Variants in ADGRF5 observed in about 807,000 individuals in gnomAD.
ADGRF5 encodes G-protein coupled receptor 116.
In ADGRF5, 75 loss-of-function variants were observed where a neutral mutation model predicts 132.3. That is an observed-to-expected ratio of 0.57 (90% CI 0.47 to 0.69). The LOEUF (loss-of-function observed/expected upper bound fraction) is 0.69. Among genes scored for constraint, ADGRF5 ranks in the 30% least tolerant of loss-of-function variants. The pLI is 0.00. For synonymous variants in ADGRF5, 629 were observed against 597.6 expected (o/e 1.05, Z -0.77); for missense variants, 1,516 against 1,630.6 (o/e 0.93, Z 1.21).
At chr6:46,924,017 T>C (rs1005346848), upstream of ADGRF5, among the ~76,000 whole-genome samples, 14 of 152,332 alleles carry the variant, frequency 9.2e-5, no homozygotes, top group East Asian at 2.7e-3. Context: ...ATGTCTCTCA[T>C]GGCTGTAAGG....
At chr6:46,914,613 C>G (rs895763240) in intron 1 of ADGRF5, among the ~76,000 whole-genome samples, 6 of 151,974 alleles carry the variant, frequency 3.9e-5, no homozygotes, top group Non-Finnish European at 7.4e-5. Flanking sequence ...CGTTGATAAC[C>G]TTTTATCCCT....
chr6:46,909,835 G>GT (rs796090300), intron 1 of ADGRF5, among the ~76,000 whole-genome samples: 1,511 of 145,604 alleles, frequency 0.01, 18 homozygotes, highest in African/African-American at 0.03. Flanking sequence ...AAACAAAAAA[G>GT]TTTTTTTTTT....
chr6:46,937,613 C>T (rs545500970), intron 1 of ADGRF5, among the ~76,000 whole-genome samples: 3 of 152,136 alleles, frequency 2.0e-5, no homozygotes, highest in East Asian at 3.9e-4. Context: ...TGCATGCATA[C>T]CTATGATAAA....
At chr6:46,947,412 C>A (rs2113841868) in intron 1 of ADGRF5, among the ~76,000 whole-genome samples, 1 of 152,348 alleles carries the variant, frequency 6.6e-6, no homozygotes, top group South Asian at 2.1e-4. Flanking sequence ...CCTATTTCCT[C>A]TCCATTAACA....
intron 1 of ADGRF5, among the ~76,000 whole-genome samples, chr6:46,950,621 T>A (rs1778463009): frequency 6.6e-6 from 1 of 152,106 alleles, no homozygotes; most frequent in Admixed American, 6.6e-5. Flanking sequence ...TTCAAGCAAT[T>A]CTCCTGCCTC....
intron 1 of ADGRF5, among the ~76,000 whole-genome samples, chr6:46,939,539 A>G (rs1777975733): frequency 6.6e-6 from 1 of 152,254 alleles, no homozygotes; most frequent in Non-Finnish European, 1.5e-5. Flanking sequence ...CTTGGGCCCA[A>G]TAAAAGTAAT....
At chr6:46,868,377 G>A (rs1005175791) in intron 12 of ADGRF5, among the ~76,000 whole-genome samples, 25 of 152,176 alleles carry the variant, frequency 1.6e-4, no homozygotes, top group African/African-American at 5.6e-4. Flanking sequence ...ATAGTTAAGG[G>A]CTCAATAAAT....
upstream of ADGRF5, among the ~76,000 whole-genome samples, chr6:46,925,562 G>GC (rs11398767): frequency 0.75 from 114,718 of 152,044 alleles, 43,359 homozygotes; most frequent in African/African-American, 0.77. Context: ...TTCGAAACCA[G>GC]CTGGCCAACA....
At chr6:46,947,627 A>G (rs919123498) in intron 1 of ADGRF5, among the ~76,000 whole-genome samples, 9 of 152,222 alleles carry the variant, frequency 5.9e-5, no homozygotes, top group African/African-American at 2.2e-4. Flanking sequence ...TTTGAGGAGT[A>G]ACAAAGAGAG....
At position 46,899,746 on chromosome 6, in the gene ADGRF5, G is replaced by A. The variant is rs183127086; in HGVS notation, c.157+283C>T. On this transcript the variant is annotated intron_variant, in intron 3 of 20. Transcript: ENST00000283296. ...AGAGAAGTAGACCATTTGGTGGTGCGGGAGGGCAGCTGAGGAGGGAGCCAC... is the reference window on the plus strand; with the variant it reads ...AGAGAAGTAGACCATTTGGTGGTGCAGGAGGGCAGCTGAGGAGGGAGCCAC... Among the ~76,000 whole-genome samples, 577 of 151,898 alleles carry A rather than the reference G, an allele frequency of 3.8e-3. 7 individuals are homozygous for A. The highest frequency in any genetic ancestry group is 0.032 in the South Asian group (151 of 4,790).
chr6:46,860,395 G>A (rs941030069), intron 16 of ADGRF5, among the ~76,000 whole-genome samples: 1 of 152,162 alleles, frequency 6.6e-6, no homozygotes, highest in Non-Finnish European at 1.5e-5. Context: ...TTCACATTTA[G>A]TGCTAGACCT....
At chr6:46,913,562 A>G (rs1378730707) in intron 1 of ADGRF5, among the ~76,000 whole-genome samples, 5 of 152,066 alleles carry the variant, frequency 3.3e-5, no homozygotes, top group Non-Finnish European at 5.9e-5. Context: ...CAAGAAGTCC[A>G]TTAAGGAGGA....
At chr6:46,909,179 A>C (rs1775687659) in intron 1 of ADGRF5, 1 of 152,180 alleles carries the variant, frequency 6.6e-6, no homozygotes, top group Non-Finnish European at 1.5e-5. Flanking sequence ...TCCCATATTC[A>C]AGGCAGTTTG....
chr6:46,946,610 C>T (rs1778311217), intron 1 of ADGRF5, among the ~76,000 whole-genome samples: 1 of 152,016 alleles, frequency 6.6e-6, no homozygotes, highest in Non-Finnish European at 1.5e-5. Context: ...AGAGGTGAGC[C>T]TAGTGAGGCT....
chr6:46,854,105 C>A (rs565850477), intron 20 of ADGRF5, 34 bp from the exon 21 acceptor site: 15 of 1,500,002 alleles, frequency 1.0e-5, no homozygotes, highest in African/African-American at 1.4e-5. Context: ...GCCTTGAAGA[C>A]AAGCCATCAT....
Position 46,883,541 on chromosome 6 carries a change from C to A in ADGRF5, c.612+18G>T. ...CAAACAGTTTGTTAGTTAAGAGGTT[C>A]TTGGGGCCAAAACCTACCGCTGTTT... On this transcript the variant is annotated intron_variant, in intron 6 of 20. Transcript: ENST00000283296. 1 of 1,401,338 alleles carries A rather than the reference C, an allele frequency of 7.1e-7. No individual in the cohort carries two copies. Among genetic ancestry groups the A allele is most frequent in the South Asian group, 1.2e-5 (1 of 84,920 alleles). 86.8% of individuals were successfully genotyped at this position (1,401,338 alleles called of 1,614,324 possible).
intron 3 of ADGRF5, among the ~76,000 whole-genome samples, chr6:46,897,354 T>A (rs1221327493): frequency 6.6e-6 from 1 of 152,022 alleles, no homozygotes; most frequent in Non-Finnish European, 1.5e-5. Context: ...CTGACCTAAT[T>A]GTTTTTCTCC....
Position 46,863,039 on chromosome 6 carries a change from A to T in ADGRF5, c.2048T>A (p.Ile683Asn). ...VIGVGEPGKV[I>N]QKLCRFSNVP... ...GTTTGAGAACCGGCATAGCTTCTGG[A>T]TGACTTTCCCCGGCTCTCCGACACC... The change falls in exon 15 of 21, where the codon ATC becomes AAC. Residue 683 changes from isoleucine (I) to asparagine (N), a missense_variant. Ile to Asn is a moderately radical substitution (Grantham distance 149). Around this residue, in one of 2 missense-constraint regions of ADGRF5, gnomAD observed 945 missense variants for 929.4 expected, o/e 1.02. Coordinates refer to ENST00000283296, the MANE Select transcript of ADGRF5 (RefSeq NM_001098518.2). 2 of 1,614,016 alleles carry T rather than the reference A, an allele frequency of 1.2e-6. No homozygotes were observed. The highest frequency in any genetic ancestry group is 1.7e-6 in the Non-Finnish European group (2 of 1,179,978).
chr6:46,856,116 T>C, intron 19 of ADGRF5, 58 bp from the exon 20 acceptor site: 1 of 956,094 alleles, frequency 1.0e-6, no homozygotes, highest in South Asian at 1.3e-5. Flanking sequence ...CAAAGCTGTT[T>C]CCATCTCTAG....
Sources: gnomAD v4.1 joint callset for allele counts (sites outside exome capture counted in the v4.1 genomes callset) on GRCh38, gnomAD v4.1.1 for gene constraint, gnomAD v4.1.1 regional missense constraint, MANE v1.5 for transcripts, NCBI Gene and HGNC (gene_info 2026-07-23, HGNC 2026-07-21) for gene names.